The following TRIM44 variants were observed in gnomAD, a reference collection of about 807,000 sequenced individuals.
TRIM44 encodes tripartite motif-containing protein 44.
TRIM44 carries 13 observed loss-of-function variants against 37.4 expected under a neutral mutation model. That is an observed-to-expected ratio of 0.35 (90% CI 0.23 to 0.55). The LOEUF (loss-of-function observed/expected upper bound fraction) is 0.55. Among genes scored for constraint, TRIM44 ranks in the 20% least tolerant of loss-of-function variants. The pLI is 0.89. For synonymous variants in TRIM44, 175 were observed against 157.2 expected (o/e 1.11, Z -0.85); for missense variants, 426 against 437.2 (o/e 0.97, Z 0.23).
At chr11:35,777,785 C>A (rs1852992624) in intron 4 of TRIM44, among the ~76,000 whole-genome samples, 1 of 152,150 alleles carries the variant, frequency 6.6e-6, no homozygotes, top group East Asian at 1.9e-4. Context: ...ATATTGGCCC[C>A]CACTCTCTTC....
At chr11:35,765,165 T>G (rs963776294) in intron 4 of TRIM44, among the ~76,000 whole-genome samples, 1 of 152,130 alleles carries the variant, frequency 6.6e-6, no homozygotes, top group Non-Finnish European at 1.5e-5. Context: ...TTAATAATTA[T>G]TTTCAGGACC....
chr11:35,775,427 T>C (rs1177498855), intron 4 of TRIM44, among the ~76,000 whole-genome samples: 2 of 152,252 alleles, frequency 1.3e-5, no homozygotes, highest in Non-Finnish European at 2.9e-5. Flanking sequence ...AGGGACAATT[T>C]GACTTCCTCT....
intron 4 of TRIM44, among the ~76,000 whole-genome samples, chr11:35,788,637 T>C (rs950589094): frequency 6.6e-6 from 1 of 152,234 alleles, no homozygotes; most frequent in African/African-American, 2.4e-5. Flanking sequence ...AACTAAGTGA[T>C]CGTCTTGCCT....
In TRIM44 at chr11:35,663,210, C is replaced by T; in HGVS notation, c.99C>T (p.Cys33=). The T allele has an allele frequency of 6.2e-7, 1 of 1,601,778 alleles. No individual in the cohort carries two copies. The highest frequency in any genetic ancestry group is 8.5e-7 in the Non-Finnish European group (1 of 1,172,880). ...AGGCTCCGGGGGCCGAGGAAGTGTG[C>T]CGAGAATGCGGCTTCTGCTACTGCC... The part of the protein sequence containing the change: ...PDEAPGAEEV[C]RECGFCYCRR... The change falls in exon 1 of 5, where the codon TGC becomes TGT. Residue 33 remains cysteine (C), a synonymous_variant. Coordinates refer to ENST00000299413, the MANE Select transcript of TRIM44 (RefSeq NM_017583.6).
intron 4 of TRIM44, among the ~76,000 whole-genome samples, chr11:35,764,092 T>A (rs746374255): frequency 6.6e-6 from 1 of 152,194 alleles, no homozygotes; most frequent in African/African-American, 2.4e-5. Flanking sequence ...AGGGCATGCT[T>A]CTTCCTCTCT....
chr11:35,815,408 T>G lies in TRIM44; in HGVS notation c.*9023T>G, dbSNP rs1853570840. 1 of 152,146 alleles carries G rather than the reference T, an allele frequency of 6.6e-6. No individual in the cohort carries two copies. Among genetic ancestry groups the G allele is most frequent in the South Asian group, 2.1e-4 (1 of 4,828 alleles). 9.4% of individuals were successfully genotyped at this position (152,146 alleles called of 1,614,324 possible). On this transcript the variant is annotated 3_prime_UTR_variant, in exon 5 of 5. Coordinates refer to ENST00000299413, the MANE Select transcript of TRIM44 (RefSeq NM_017583.6). ...TAGAGGAACAAGATTGCTCTTTGAC[T>G]TGGTGATAGTAGGGCAATAGGGAGT...
In TRIM44 at chr11:35,663,028, G is replaced by A; in HGVS notation, c.-84G>A. 1.4e-6 allele frequency: 2 copies of A among 1,437,170 alleles called. No homozygotes were observed. The highest frequency in any genetic ancestry group is 1.8e-6 in the Non-Finnish European group (2 of 1,101,264). The allele number at this position is 1,437,170 out of a possible 1,614,324, so 89.0% of individuals were successfully genotyped here. On this transcript the variant is annotated 5_prime_UTR_variant, in exon 1 of 5. Coordinates refer to ENST00000299413, the MANE Select transcript of TRIM44 (RefSeq NM_017583.6). ...AGGCGACTCCCTAGGAAGGGACCCG[G>A]GGCGGGAGGAGGAAGTGAGGCCGCG...
chr11:35,778,697 C>A (rs1179651077), intron 4 of TRIM44, among the ~76,000 whole-genome samples: 3 of 152,210 alleles, frequency 2.0e-5, no homozygotes, highest in Non-Finnish European at 4.4e-5. Context: ...GGACCCTCAG[C>A]TGCAGGTCTG....
At chr11:35,705,213 T>C (rs1228388075) in intron 2 of TRIM44, among the ~76,000 whole-genome samples, 2 of 151,448 alleles carry the variant, frequency 1.3e-5, no homozygotes, top group Non-Finnish European at 2.9e-5. Context: ...AAGAGCTAAC[T>C]ATCCTAAATA....
chr11:35,790,786 A>G lies in TRIM44; in HGVS notation c.1008-15572A>G, dbSNP rs1036074641. ...TGAGCTTTTGGAATATTGAGGTTGG[A>G]ATGCAGGTGGGGATAGCTTTCTTAC... On this transcript the variant is annotated intron_variant, in intron 4 of 4. Transcript: ENST00000299413. Among the ~76,000 whole-genome samples the G allele has an allele frequency of 2.0e-5, 3 of 152,110 alleles. No individual in the cohort carries two copies. In the South Asian group the frequency reaches 6.2e-4, roughly 32 times the overall value.
intron 4 of TRIM44, among the ~76,000 whole-genome samples, chr11:35,805,720 G>T (rs1487451241): frequency 6.6e-6 from 1 of 152,188 alleles, no homozygotes; most frequent in Non-Finnish European, 1.5e-5. Flanking sequence ...ATTCTTATAT[G>T]CTGTAGTCAT....
chr11:35,734,887 A>G (rs967153497), intron 3 of TRIM44, among the ~76,000 whole-genome samples: 2 of 152,356 alleles, frequency 1.3e-5, no homozygotes, highest in East Asian at 1.9e-4. Context: ...TGTTTGCCCA[A>G]GGACACATAA....
chr11:35,724,475 T>A (rs189275268), intron 2 of TRIM44: 1 of 152,344 alleles, frequency 6.6e-6, no homozygotes, highest in East Asian at 1.9e-4. Context: ...TTCTTCTGCC[T>A]TTCTCCTTTT....
Position 35,809,014 on chromosome 11 carries a change from C to G in TRIM44, c.*2629C>G, listed in dbSNP as rs1362068290. 1 of 152,212 alleles carries G rather than the reference C, an allele frequency of 6.6e-6. No homozygotes were observed. Among genetic ancestry groups the G allele is most frequent in the Non-Finnish European group, 1.5e-5 (1 of 68,044 alleles). The allele number at this position is 152,212 out of a possible 1,614,324, so 9.4% of individuals were successfully genotyped here. ...CAAGGGAGGCAGGTAATGAATGTTT[C>G]CAGAATCAGTCGGATACTCATAGCA... On this transcript the variant is annotated 3_prime_UTR_variant, in exon 5 of 5. Coordinates refer to ENST00000299413, the MANE Select transcript of TRIM44 (RefSeq NM_017583.6).
intron 4 of TRIM44, among the ~76,000 whole-genome samples, chr11:35,784,512 C>CT (rs1853104567): frequency 6.6e-6 from 1 of 152,152 alleles, no homozygotes; most frequent in Non-Finnish European, 1.5e-5. Flanking sequence ...TAAAAATTGT[C>CT]TACTTCTTTT....
intron 4 of TRIM44, among the ~76,000 whole-genome samples, chr11:35,757,082 T>C (rs1238739113): frequency 2.0e-5 from 3 of 152,208 alleles, no homozygotes; most frequent in Non-Finnish European, 2.9e-5. Context: ...GAAGGAATGG[T>C]ACCAGCTCCT....
At chr11:35,774,798 T>G (rs951665863) in intron 4 of TRIM44, among the ~76,000 whole-genome samples, 5 of 152,070 alleles carry the variant, frequency 3.3e-5, no homozygotes, top group African/African-American at 7.2e-5. Context: ...TATTATTTCT[T>G]AGGGTTCTGT....
chr11:35,783,604 T>TA (rs1380997530), intron 4 of TRIM44, among the ~76,000 whole-genome samples: 1 of 152,214 alleles, frequency 6.6e-6, no homozygotes, highest in African/African-American at 2.4e-5. Flanking sequence ...AATGAATACT[T>TA]AAAGTATTGC....
intron 1 of TRIM44, among the ~76,000 whole-genome samples, chr11:35,665,495 T>G (rs572586722): frequency 6.6e-6 from 1 of 152,242 alleles, no homozygotes; most frequent in South Asian, 2.1e-4. Flanking sequence ...TTGAGGATCT[T>G]TTATACTTCC....
Sources: allele counts gnomAD v4.1 joint callset (sites outside exome capture counted in the v4.1 genomes callset), GRCh38; gene constraint gnomAD v4.1.1; transcripts MANE v1.5; gene names NCBI Gene and HGNC (gene_info 2026-07-23, HGNC 2026-07-21).